DLC1: variants seen among roughly 807,000 people sequenced by gnomAD.
DLC1 encodes DLC1 Rho GTPase activating protein, also known as rho GTPase-activating protein 7.
DLC1 carries 54 observed loss-of-function variants against 140.3 expected under a neutral mutation model. That is an observed-to-expected ratio of 0.38 (90% CI 0.31 to 0.48). DLC1 has a LOEUF of 0.48. Among genes scored for constraint, DLC1 ranks in the 20% least tolerant of loss-of-function variants. The probability of loss-of-function intolerance (pLI) is 0.96; values close to 1 mark genes in which losing one functional copy is unlikely to be tolerated. For missense variants in DLC1, 2,536 were observed against 1,907.0 expected (o/e 1.33, Z -6.14); for synonymous variants, 986 against 728.1 (o/e 1.35, Z -5.70).
At chr8:13,308,092 C>A (rs1231731752) in intron 4 of DLC1, among the ~76,000 whole-genome samples, 1 of 152,162 alleles carries the variant, frequency 6.6e-6, no homozygotes, top group African/African-American at 2.4e-5. Context: ...AAAAACAAGC[C>A]TTTTCTATAT....
At chr8:13,382,926 T>C (rs1836340979) in intron 4 of DLC1, among the ~76,000 whole-genome samples, 1 of 152,210 alleles carries the variant, frequency 6.6e-6, no homozygotes, top group African/African-American at 2.4e-5. Flanking sequence ...ACTGTGACTT[T>C]TGTGTAATGG....
chr8:13,127,503 G>A (rs961317825), intron 5 of DLC1, among the ~76,000 whole-genome samples: 5 of 152,226 alleles, frequency 3.3e-5, no homozygotes, highest in Non-Finnish European at 7.3e-5. Flanking sequence ...AAAGAGAACT[G>A]TATGGAGATT....
At chr8:13,210,217 A>G (rs891507825) in intron 5 of DLC1, among the ~76,000 whole-genome samples, 3 of 152,228 alleles carry the variant, frequency 2.0e-5, no homozygotes, top group African/African-American at 7.2e-5. Flanking sequence ...AAAACACAGC[A>G]TAGTCCAAGA....
At chr8:13,528,019 G>T (rs560897141) in intron 1 of DLC1, among the ~76,000 whole-genome samples, 1 of 152,142 alleles carries the variant, frequency 6.6e-6, no homozygotes, top group African/African-American at 2.4e-5. Context: ...ATTTTTAAGT[G>T]TAAACATGTT....
intron 9 of DLC1, 44 bp from the exon 10 acceptor site, chr8:13,098,619 T>A: frequency 6.4e-7 from 1 of 1,558,646 alleles, no homozygotes; most frequent in Non-Finnish European, 8.7e-7. Flanking sequence ...AGCCTTTTTA[T>A]TTGATTTTAT....
chr8:13,545,358 G>A (rs983820306), intron 1 of DLC1, among the ~76,000 whole-genome samples: 1 of 151,312 alleles, frequency 6.6e-6, no homozygotes, highest in African/African-American at 2.4e-5. Context: ...AAGTAAAGAA[G>A]AGAACTTGGA....
At chr8:13,556,372 A>G (rs1451661054) in intron 1 of DLC1, among the ~76,000 whole-genome samples, 3 of 152,098 alleles carry the variant, frequency 2.0e-5, no homozygotes, top group Admixed American at 6.6e-5. Context: ...GAAAATATTG[A>G]TGTCTGCGTC....
At chr8:13,105,453 G>A (rs1027902920) in intron 7 of DLC1, among the ~76,000 whole-genome samples, 2 of 152,050 alleles carry the variant, frequency 1.3e-5, no homozygotes, top group East Asian at 3.8e-4. Flanking sequence ...ACGACCCTAT[G>A]GTACAGATAT....
Position 13,098,478 on chromosome 8 carries a change from G to C in DLC1, c.3088C>G (p.Leu1030Val). The stretch of plus-strand genomic sequence containing the variant: ...TTTAGGAGTGAGTATTTCTGCAGCA[G>C]GTTCATCTGGGCCACAGACTGGCAG... Reference protein sequence around the residue: ...INCQSVAQMNLLQKYSLLKLT... With the variant: ...INCQSVAQMNVLQKYSLLKLT... Residue 1030 changes from leucine to valine, a missense_variant, in exon 10 of 18, where the codon CTG (leucine) becomes GTG (valine). Physicochemically the swap from Leu to Val is conservative, Grantham distance 32 (BLOSUM62 1). Coordinates refer to ENST00000276297, the MANE Select transcript of DLC1 (RefSeq NM_182643.3). 6.2e-7 allele frequency: 1 copy of C among 1,614,210 alleles called. No individual in the cohort carries two copies. Among genetic ancestry groups the C allele is most frequent in the Non-Finnish European group, 8.5e-7 (1 of 1,180,038 alleles).
At chr8:13,384,339 C>G (rs1038278090) in intron 4 of DLC1, among the ~76,000 whole-genome samples, 28 of 131,618 alleles carry the variant, frequency 2.1e-4, no homozygotes, top group African/African-American at 7.6e-4. Context: ...CAGGTAGACA[C>G]CTACCTTGAG....
chr8:13,603,633 T>C (rs1269464440), intron 1 of DLC1, among the ~76,000 whole-genome samples: 2 of 152,076 alleles, frequency 1.3e-5, no homozygotes, highest in African/African-American at 4.8e-5. Context: ...CTCCCCAGTA[T>C]AAACGTTCAA....
chr8:13,583,227 G>A (rs1005687374), intron 1 of DLC1, among the ~76,000 whole-genome samples: 5 of 152,158 alleles, frequency 3.3e-5, no homozygotes, highest in Non-Finnish European at 5.9e-5. Flanking sequence ...AAGGGGAACT[G>A]TTTTCAAACT....
intron 5 of DLC1, among the ~76,000 whole-genome samples, chr8:13,146,360 T>G (rs532675920): frequency 5.9e-5 from 9 of 152,250 alleles, no homozygotes; most frequent in African/African-American, 1.9e-4. Context: ...GGACTCTTTT[T>G]TTTTAATCAG....
At chr8:13,227,129 C>T (rs1019339004) in intron 5 of DLC1, among the ~76,000 whole-genome samples, 11 of 152,088 alleles carry the variant, frequency 7.2e-5, no homozygotes, top group African/African-American at 2.7e-4. Flanking sequence ...TTCAAGCAAT[C>T]CTCCCACCAC....
In DLC1 at chr8:13,090,337, T is replaced by C. The variant is rs758920737; in HGVS notation, c.3989A>G (p.Asp1330Gly). ...DYQHFLQDCV[D>G]GLFKEVKEKF... Reference sequence around the variant, plus strand: ...CTCTTTGACTTCTTTAAACAGGCCATCCACACAGTCCTGGAGGAAGTGTTG... The same window carrying C: ...CTCTTTGACTTCTTTAAACAGGCCACCCACACAGTCCTGGAGGAAGTGTTG... The change falls in exon 15 of 18, where the codon GAT (aspartate) becomes GGT (glycine). Residue 1330 changes from aspartate to glycine, a missense_variant. By Grantham distance (94) the Asp-to-Gly change is moderately conservative. Transcript: ENST00000276297. The C allele has an allele frequency of 6.2e-7, 1 of 1,614,194 alleles. No homozygotes were observed. Among genetic ancestry groups the C allele is most frequent in the East Asian group, 2.2e-5 (1 of 44,888 alleles).
intron 4 of DLC1, chr8:13,342,261 A>T (rs778336858): frequency 1.3e-5 from 2 of 152,234 alleles, no homozygotes; most frequent in African/African-American, 2.4e-5. Flanking sequence ...CTCCTATTTC[A>T]GGAAAAAGTG....
intron 2 of DLC1, among the ~76,000 whole-genome samples, chr8:13,436,186 A>C (rs1402887298): frequency 6.6e-6 from 1 of 152,178 alleles, no homozygotes; most frequent in Non-Finnish European, 1.5e-5. Context: ...GGAACCTATA[A>C]TATCTGCAAA....
At chr8:13,204,671 G>C (rs1235374404) in intron 5 of DLC1, among the ~76,000 whole-genome samples, 1 of 151,852 alleles carries the variant, frequency 6.6e-6, no homozygotes, top group Non-Finnish European at 1.5e-5. Flanking sequence ...ATAAATCATT[G>C]GCAAATAAAA....
intron 4 of DLC1, among the ~76,000 whole-genome samples, chr8:13,384,359 A>G (rs1836414013): frequency 6.6e-6 from 1 of 152,068 alleles, no homozygotes; most frequent in African/African-American, 2.4e-5. Context: ...GCAAGACAAA[A>G]CTATGTGTGT....
Sources: gnomAD v4.1 joint callset for allele counts (sites outside exome capture counted in the v4.1 genomes callset) on GRCh38, gnomAD v4.1.1 for gene constraint, MANE v1.5 for transcripts, NCBI Gene and HGNC (gene_info 2026-07-23, HGNC 2026-07-21) for gene names.